UNC93A: variants seen among roughly 807,000 people sequenced by gnomAD.
UNC93A encodes the protein unc-93 homolog A.
A neutral mutation model predicts 47.5 loss-of-function variants in UNC93A; 43 were observed. The ratio of observed to expected loss-of-function variants is 0.91; its 90% confidence interval spans 0.71 to 1.17. The LOEUF (loss-of-function observed/expected upper bound fraction) is 1.17. Among genes scored for constraint, UNC93A ranks in the 50% most tolerant of loss-of-function variants. The pLI is 0.00. For synonymous variants in UNC93A, 280 were observed against 258.0 expected (o/e 1.09, Z -0.82); for missense variants, 605 against 577.6 (o/e 1.05, Z -0.49).
chr6:167,312,599 C>T (rs1778589723), intron 7 of UNC93A, among the ~76,000 whole-genome samples: 1 of 152,238 alleles, frequency 6.6e-6, no homozygotes, highest in Non-Finnish European at 1.5e-5. Context: ...CTTATTCTAG[C>T]CCCCACTGCG....
At chr6:167,306,848 C>T (rs1200051148) in intron 6 of UNC93A, among the ~76,000 whole-genome samples, 1 of 152,220 alleles carries the variant, frequency 6.6e-6, no homozygotes, top group Admixed American at 6.5e-5. Context: ...CTGACAGAGA[C>T]CCTGCTCTTC....
upstream of UNC93A, among the ~76,000 whole-genome samples, chr6:167,270,627 C>T (rs1453901095): frequency 3.3e-5 from 5 of 152,162 alleles, no homozygotes; most frequent in Non-Finnish European, 5.9e-5. Context: ...ACTTGCAGAA[C>T]TGATCAAGTT....
intron 1 of UNC93A, among the ~76,000 whole-genome samples, chr6:167,275,406 C>T (rs73257114): frequency 5.9e-5 from 9 of 152,300 alleles, no homozygotes; most frequent in Non-Finnish European, 1.3e-4. Flanking sequence ...AATGATTCCC[C>T]AGGTTGTCCT....
intron 1 of UNC93A, among the ~76,000 whole-genome samples, chr6:167,280,460 T>G (rs1195229049): frequency 6.6e-6 from 1 of 152,214 alleles, no homozygotes; most frequent in African/African-American, 2.4e-5. Flanking sequence ...TCCGTATCCT[T>G]GAGGTTTCTC....
rs1378819365 is a variant in UNC93A, at chr6:167,274,986, G to A, written c.-52+3528G>A. On this transcript the variant is annotated intron_variant, in intron 1 of 3. Coordinates refer to the UNC93A transcript ENST00000503433. ...CATACATCAACTGGTGTTACCAGAC[G>A]TGGCACTGAGTCCCAGAGTGTGGTT... Among the ~76,000 whole-genome samples, 5 of 152,184 alleles carry A rather than the reference G, an allele frequency of 3.3e-5. No individual in the cohort carries two copies. The East Asian group carries it at 5.8e-4, about 18-fold the overall frequency.
intron 2 of UNC93A, among the ~76,000 whole-genome samples, chr6:167,295,445 TG>T (rs1188491393): frequency 8.1e-6 from 1 of 123,468 alleles, no homozygotes; most frequent in East Asian, 2.4e-4. Context: ...GCCTCCCTCG[TG>T]CTCCTCGCCT....
chr6:167,269,808 G>C (rs1783422224), upstream of UNC93A, among the ~76,000 whole-genome samples: 1 of 151,840 alleles, frequency 6.6e-6, no homozygotes, highest in South Asian at 2.1e-4. Context: ...GTAGAGACAG[G>C]GTTTCACCGT....
rs138116852 is a variant in UNC93A at position 167,296,339 on chromosome 6, A to C, written c.499+78A>C. ...GATGGGGGAGAGGGTTCCTGATTTCAGTTGCACACCTGCCTTGATTCTGTA... is the reference window on the plus strand; with the variant it reads ...GATGGGGGAGAGGGTTCCTGATTTCCGTTGCACACCTGCCTTGATTCTGTA... On this transcript the variant is annotated intron_variant, in intron 3 of 7. Coordinates refer to ENST00000230256, the MANE Select transcript of UNC93A (RefSeq NM_018974.4). 14 of 1,445,912 alleles carry C rather than the reference A, an allele frequency of 9.7e-6. No homozygotes were observed. In the Admixed American group the frequency reaches 2.2e-4, roughly 23 times the overall value. 89.6% of individuals were successfully genotyped at this position (1,445,912 alleles called of 1,614,324 possible). A position where few individuals can be genotyped will look rare whatever the true frequency, so the allele number is the denominator to read the frequency against.
At position 167,298,087 on chromosome 6, in the gene UNC93A, C is replaced by T. The variant is rs771856886; in HGVS notation, c.625+17C>T. The T allele has an allele frequency of 2.5e-6, 4 of 1,612,074 alleles. No individual in the cohort carries two copies. The highest frequency in any genetic ancestry group is 3.4e-6 in the Non-Finnish European group (4 of 1,179,122). On this transcript the variant is annotated intron_variant, in intron 4 of 7. Transcript: ENST00000230256. ...TCTACACTGGTACGAGCTCCATCGG[C>T]CCAGGGCAGGGTCCCTAGCAAAGCA...
chr6:167,291,225 C>T, upstream of UNC93A: 1 of 333,790 alleles, frequency 3.0e-6, no homozygotes. Context: ...GATCTTTTGC[C>T]CCATACAAAG....
At chr6:167,299,246 A>G (rs1778175952) in intron 4 of UNC93A, among the ~76,000 whole-genome samples, 1 of 151,256 alleles carries the variant, frequency 6.6e-6, no homozygotes, top group Non-Finnish European at 1.5e-5. Context: ...GGATTTGGGG[A>G]TTCATAAAGG....
At chr6:167,309,737 G>A (rs1351350803) in intron 7 of UNC93A, among the ~76,000 whole-genome samples, 2 of 152,160 alleles carry the variant, frequency 1.3e-5, no homozygotes, top group Non-Finnish European at 2.9e-5. Flanking sequence ...TTGTCTTCCT[G>A]GTGGGTTGCG....
chr6:167,309,833 C>T (rs1778508993), intron 7 of UNC93A, among the ~76,000 whole-genome samples: 1 of 152,132 alleles, frequency 6.6e-6, no homozygotes, highest in Non-Finnish European at 1.5e-5. Flanking sequence ...TTTCTGCTGC[C>T]CCAGTAATGC....
intron 1 of UNC93A, among the ~76,000 whole-genome samples, chr6:167,283,687 T>C (rs191863584): frequency 3.3e-5 from 5 of 152,182 alleles, no homozygotes; most frequent in African/African-American, 9.6e-5. Flanking sequence ...AAGTTTGAGA[T>C]ACACACACAC....
rs555232504 is a variant in UNC93A, at chr6:167,278,338, C to T, written c.-52+6880C>T. ...CCACAGAGAAGCAGCCAAAGGCCAA[C>T]TCGGGTGTCCCCAGGGCCCGTGAGG... On this transcript the variant is annotated intron_variant, in intron 1 of 3. Transcript: ENST00000503433. 3.9e-5 allele frequency among the ~76,000 whole-genome samples: 6 copies of T among 152,296 alleles called. No homozygotes were observed. The South Asian group carries it at 1.0e-3, about 26-fold the overall frequency.
intron 4 of UNC93A, among the ~76,000 whole-genome samples, chr6:167,300,666 T>A (rs1778218069): frequency 6.6e-6 from 1 of 152,136 alleles, no homozygotes; most frequent in South Asian, 2.1e-4. Context: ...GGTCATGTTT[T>A]CCCAGCAGGC....
intron 6 of UNC93A, among the ~76,000 whole-genome samples, chr6:167,307,456 C>CAGTTCCGGAGGATGGTTGAGAT (rs11270007): frequency 6.7e-6 from 1 of 150,346 alleles, no homozygotes; most frequent in Non-Finnish European, 1.5e-5. Flanking sequence ...TTCCAGAGGA[C>CAGTTCCGGAGGATGGTTGAGAT]GGTTCCAGAG....
intron 4 of UNC93A, among the ~76,000 whole-genome samples, chr6:167,300,054 T>A (rs544167022): frequency 7.1e-6 from 1 of 139,994 alleles, no homozygotes; most frequent in South Asian, 2.2e-4. Flanking sequence ...GGGTTGGACA[T>A]GGTGTGGGGA....
chr6:167,280,037 G>C (rs898904708), intron 1 of UNC93A, among the ~76,000 whole-genome samples: 2 of 152,236 alleles, frequency 1.3e-5, no homozygotes, highest in Non-Finnish European at 2.9e-5. Flanking sequence ...GAAGATGCTT[G>C]CTTTGGGAGA....
Sources: allele counts gnomAD v4.1 joint callset (sites outside exome capture counted in the v4.1 genomes callset), GRCh38; gene constraint gnomAD v4.1.1; transcripts MANE v1.5; gene names NCBI Gene and HGNC (gene_info 2026-07-23, HGNC 2026-07-21).